CACNA2D4: variants seen among roughly 807,000 people sequenced by gnomAD.
CACNA2D4 encodes calcium voltage-gated channel auxiliary subunit alpha2delta 4.
In CACNA2D4, 157 loss-of-function variants were observed where a neutral mutation model predicts 163.8. The observed-to-expected ratio is 0.96, with a 90% CI of 0.84 to 1.09. The LOEUF is 1.09. CACNA2D4 is among the 50% of genes least tolerant of loss of function. The pLI, the probability that CACNA2D4 is intolerant of heterozygous loss-of-function variation, is 0.00. For missense variants in CACNA2D4, 1,410 were observed against 1,479.9 expected, an observed-to-expected ratio of 0.95 and a Z score of 0.78; for synonymous variants, 598 against 586.9, an observed-to-expected ratio of 1.02 and a Z score of -0.27.
intron 18 of CACNA2D4, among the ~76,000 whole-genome samples, chr12:1,867,430 T>C (rs1038704386): frequency 6.6e-6 from 1 of 152,188 alleles, no homozygotes; most frequent in African/African-American, 2.4e-5. Context: ...AATTGGATAA[T>C]TTCTACTGAT....
chr12:1,889,548 ACTC>A (rs1400335815), intron 6 of CACNA2D4, among the ~76,000 whole-genome samples: 2 of 150,250 alleles, frequency 1.3e-5, no homozygotes, highest in African/African-American at 5.0e-5. Flanking sequence ...ATGGTCCTGA[ACTC>A]CTGGGCAAGG....
chr12:1,844,469 C>G lies in CACNA2D4; in HGVS notation c.2403G>C (p.Trp801Cys). Residue 801 changes from tryptophan (W) to cysteine (C), a missense_variant, in exon 25 of 38, where the codon TGG (tryptophan) becomes TGC (cysteine). Trp to Cys is a radical substitution (Grantham distance 215). Transcript: ENST00000382722. The surrounding 1 kb of genome is among the most constrained non-coding windows in gnomAD (Gnocchi z 4.2). ...SVFTLDRFPL[W>C]YRQASEHPAG... ...CAGGATGCTCTGAGGCCTGGCGGTA[C>G]CACAGCGGGAAGCGGTCCAGGGTGA... 1 of 1,613,542 alleles carries G rather than the reference C, an allele frequency of 6.2e-7. No individual in the cohort carries two copies. The highest frequency in any genetic ancestry group is 8.5e-7 in the Non-Finnish European group (1 of 1,179,778).
intron 37 of CACNA2D4, 100 bp downstream of exon 37, chr12:1,795,199 T>C (rs1217993531): frequency 3.9e-6 from 4 of 1,026,500 alleles, no homozygotes; most frequent in African/African-American, 3.2e-5. Flanking sequence ...GGTGTGTTCA[T>C]TGGCATCCCT....
At chr12:1,812,137 T>C (rs539979884) in intron 26 of CACNA2D4, among the ~76,000 whole-genome samples, 9 of 152,340 alleles carry the variant, frequency 5.9e-5, no homozygotes, top group African/African-American at 2.2e-4. Flanking sequence ...AGTGGCACCC[T>C]GGAATTCAGG....
intron 20 of CACNA2D4, among the ~76,000 whole-genome samples, chr12:1,857,123 C>T (rs758162): frequency 0.62 from 94,323 of 152,132 alleles, 31,596 homozygotes; most frequent in Non-Finnish European, 0.75. Flanking sequence ...GAAGAAGGCA[C>T]GATGGAGGCC....
intron 25 of CACNA2D4, among the ~76,000 whole-genome samples, chr12:1,841,246 A>G (rs1592703662): frequency 6.6e-6 from 1 of 152,214 alleles, no homozygotes; most frequent in Admixed American, 6.5e-5. Flanking sequence ...GGACGCCGAC[A>G]GTCAGTCCCA....
Position 1,886,206 on chromosome 12 carries a change from C to T in CACNA2D4, c.993+17G>A, listed in dbSNP as rs1383286065. The T allele has an allele frequency of 1.2e-6, 2 of 1,611,018 alleles. No individual in the cohort carries two copies. Among genetic ancestry groups the T allele is most frequent in the African/African-American group, 2.7e-5 (2 of 74,820 alleles). ...AGAGCAAGTGAGAGCTATTCTAGAACAGGAAGGCACATTTACCGCTATGAT... is the reference window on the plus strand; with the variant it reads ...AGAGCAAGTGAGAGCTATTCTAGAATAGGAAGGCACATTTACCGCTATGAT... On this transcript the variant is annotated intron_variant, in intron 8 of 37. Transcript: ENST00000382722.
At chr12:1,907,705 G>A (rs1866694257) in intron 5 of CACNA2D4, 134 bp from the exon 6 acceptor site, 3 of 1,193,544 alleles carry the variant, frequency 2.5e-6, no homozygotes, top group Middle Eastern at 2.1e-4. Flanking sequence ...TGCCTGGTGG[G>A]CGTGTCTGGT....
Position 1,851,678 on chromosome 12 carries a change from C to T in CACNA2D4, c.2246+2273G>A, listed in dbSNP as rs55739811. 6.2e-3 allele frequency among the ~76,000 whole-genome samples: 218 copies of T among 34,932 alleles called. 1 individual carries two copies. The highest frequency in any genetic ancestry group is 8.9e-3 in the Non-Finnish European group (128 of 14,374). 22.9% of individuals were successfully genotyped at this position (34,932 alleles called of 152,430 possible). On this transcript the variant is annotated intron_variant, in intron 23 of 37. Transcript: ENST00000382722. ...GTGTGTGTGTGTGTGTGTGTGTGTG[C>T]GTTTTTTTTTTTTTTTTCCAGAGAT...
chr12:1,915,184 A>G (rs1217799043), intron 1 of CACNA2D4: 9 of 702,510 alleles, frequency 1.3e-5, no homozygotes, highest in South Asian at 3.0e-5. Context: ...GAAACACACA[A>G]AAGAGCACCT....
intron 13 of CACNA2D4, among the ~76,000 whole-genome samples, chr12:1,880,278 C>T (rs1865966708): frequency 6.6e-6 from 1 of 152,270 alleles, no homozygotes; most frequent in Non-Finnish European, 1.5e-5. Flanking sequence ...CCAGAAACCT[C>T]TGATATGGAC....
chr12:1,874,705 C>T lies in CACNA2D4; in HGVS notation c.1807-30G>A. 6.6e-7 allele frequency: 1 copy of T among 1,508,556 alleles called. No homozygotes were observed. Among genetic ancestry groups the T allele is most frequent in the East Asian group, 2.3e-5 (1 of 44,394 alleles). 93.4% of individuals were successfully genotyped at this position (1,508,556 alleles called of 1,614,324 possible). A position where few individuals can be genotyped will look rare whatever the true frequency, so the allele number is the denominator to read the frequency against. ...AGGAGGAAAGACAATGGCATTAGTT[C>T]CTTGGCTCACAGGGGATGGTGAAAG... On this transcript the variant is annotated intron_variant, in intron 17 of 37. Coordinates refer to ENST00000382722, the MANE Select transcript of CACNA2D4 (RefSeq NM_172364.5). The surrounding 1 kb of genome is among the most constrained non-coding windows in gnomAD (Gnocchi z 4.4).
At chr12:1,795,275 C>T in intron 37 of CACNA2D4, 24 bp downstream of exon 37, 1 of 1,609,660 alleles carries the variant, frequency 6.2e-7, no homozygotes, top group Non-Finnish European at 8.5e-7. Flanking sequence ...ATCCAGCCCA[C>T]CCTCGATCCG....
Position 1,833,413 on chromosome 12 carries a change from C to A in CACNA2D4, c.2551+7326G>T, listed in dbSNP as rs569524531. On this transcript the variant is annotated intron_variant, in intron 26 of 37. Transcript: ENST00000382722. This position sits in a 1 kb window ranked among gnomAD's most constrained non-coding sequence, Gnocchi z 4.2. ...TGTCCTCAACCACCTTCTCTCTCAC[C>A]CCAGCCCTGTCCTGCATCTGTGTCT... 6.6e-6 allele frequency among the ~76,000 whole-genome samples: 1 copy of A among 152,236 alleles called. No homozygotes were observed. The highest frequency in any genetic ancestry group is 1.9e-4 in the East Asian group (1 of 5,178).
intron 19 of CACNA2D4, among the ~76,000 whole-genome samples, chr12:1,859,125 C>T (rs1865467139): frequency 6.6e-6 from 1 of 152,176 alleles, no homozygotes; most frequent in Non-Finnish European, 1.5e-5. Flanking sequence ...GCTCTACCCC[C>T]AGAAATTGTG....
intron 6 of CACNA2D4, among the ~76,000 whole-genome samples, chr12:1,896,692 T>G (rs1286427111): frequency 7.3e-6 from 1 of 136,876 alleles, no homozygotes. Flanking sequence ...AAAAAGAAAC[T>G]CATATGCCAT....
intron 26 of CACNA2D4, among the ~76,000 whole-genome samples, chr12:1,830,725 A>T (rs533120810): frequency 2.0e-5 from 3 of 152,226 alleles, no homozygotes; most frequent in East Asian, 3.9e-4. Context: ...GGCGCCCTGC[A>T]GACACTGTGT....
Position 1,883,642 on chromosome 12 carries a change from C to G in CACNA2D4, c.1351+601G>C, listed in dbSNP as rs983111902. On this transcript the variant is annotated intron_variant, in intron 12 of 37. Coordinates refer to ENST00000382722, the MANE Select transcript of CACNA2D4 (RefSeq NM_172364.5). This position sits in a 1 kb window ranked among gnomAD's most constrained non-coding sequence, Gnocchi z 4.5. Reference sequence around the variant, plus strand: ...CTCAGACCCTTTCAGCACACTGTTCCCTCTGTCTGGAACACCCTTCCAGTC... The same window carrying G: ...CTCAGACCCTTTCAGCACACTGTTCGCTCTGTCTGGAACACCCTTCCAGTC... Among the ~76,000 whole-genome samples, 1 of 152,178 alleles carries G rather than the reference C, an allele frequency of 6.6e-6. No individual in the cohort carries two copies. The highest frequency in any genetic ancestry group is 1.5e-5 in the Non-Finnish European group (1 of 68,036).
intron 13 of CACNA2D4, among the ~76,000 whole-genome samples, chr12:1,881,517 C>T (rs73032452): frequency 0.097 from 14,708 of 152,308 alleles, 822 homozygotes; most frequent in African/African-American, 0.12. Context: ...CACGGAGCAC[C>T]GGAGCCCTGG....
Sources: allele counts gnomAD v4.1 joint callset (sites outside exome capture counted in the v4.1 genomes callset), GRCh38; gene constraint gnomAD v4.1.1; non-coding constraint Gnocchi (gnomAD v3.1); transcripts MANE v1.5; gene names NCBI Gene and HGNC (gene_info 2026-07-23, HGNC 2026-07-21).